Variants in PNPT1 observed in about 807,000 individuals in gnomAD.
PNPT1 encodes the protein polyribonucleotide nucleotidyltransferase 1.
A neutral mutation model predicts 119.5 loss-of-function variants in PNPT1; 53 were observed. That is an observed-to-expected ratio of 0.44 (90% CI 0.36 to 0.56). PNPT1 has a LOEUF of 0.56. Ranked by LOEUF, PNPT1 falls within the 20% of genes least tolerant of loss-of-function variation. The probability of loss-of-function intolerance (pLI) is 0.00; values close to 1 mark genes in which losing one functional copy is unlikely to be tolerated. For missense variants in PNPT1, 948 were observed against 938.5 expected (o/e 1.01, Z -0.13); for synonymous variants, 357 against 322.1 (o/e 1.11, Z -1.16).
chr2:55,650,560 G>A (rs556990995), intron 18 of PNPT1, among the ~76,000 whole-genome samples: 85 of 152,044 alleles, frequency 5.6e-4, no homozygotes, highest in Non-Finnish European at 1.0e-3. Flanking sequence ...CTGCCCGGCC[G>A]CCACCCCGTC....
intron 8 of PNPT1, among the ~76,000 whole-genome samples, chr2:55,676,341 A>G (rs1380406761): frequency 3.3e-5 from 5 of 151,754 alleles, no homozygotes; most frequent in Non-Finnish European, 7.4e-5. Flanking sequence ...GAGTTTTGAG[A>G]TTAGCTGAAG....
intron 15 of PNPT1, among the ~76,000 whole-genome samples, chr2:55,658,022 G>C (rs1368221805): frequency 6.6e-6 from 1 of 151,800 alleles, no homozygotes; most frequent in Non-Finnish European, 1.5e-5. Context: ...CAGACTGCTT[G>C]AGCCCAGGAG....
intron 6 of PNPT1, 23 bp downstream of exon 6, chr2:55,680,832 T>G: frequency 6.2e-7 from 1 of 1,612,850 alleles, no homozygotes; most frequent in Non-Finnish European, 8.5e-7. Context: ...TCTGATAATT[T>G]TAATCTCTAC....
intron 15 of PNPT1, among the ~76,000 whole-genome samples, chr2:55,657,154 C>A (rs1419798141): frequency 6.6e-6 from 1 of 151,874 alleles, no homozygotes; most frequent in Non-Finnish European, 1.5e-5. Context: ...CATGGTGAGA[C>A]CCTGTATCTA....
intron 1 of PNPT1, among the ~76,000 whole-genome samples, chr2:55,691,329 A>T (rs1313214797): frequency 6.6e-6 from 1 of 152,230 alleles, no homozygotes; most frequent in Non-Finnish European, 1.5e-5. Flanking sequence ...ACTATCTGAA[A>T]AACACCTACA....
intron 1 of PNPT1, among the ~76,000 whole-genome samples, chr2:55,688,673 C>T (rs1178065083): frequency 2.6e-5 from 4 of 151,864 alleles, no homozygotes; most frequent in African/African-American, 7.3e-5. Flanking sequence ...TACAGTGAGC[C>T]GAGATTGTGC....
intron 25 of PNPT1, among the ~76,000 whole-genome samples, chr2:55,642,844 C>T (rs900456855): frequency 2.6e-5 from 4 of 152,018 alleles, no homozygotes; most frequent in South Asian, 4.1e-4. Context: ...GGGCTGGGCA[C>T]GGTGGCTCAT....
At chr2:55,670,476 G>A (rs564572011) in intron 11 of PNPT1, among the ~76,000 whole-genome samples, 5 of 151,884 alleles carry the variant, frequency 3.3e-5, no homozygotes, top group South Asian at 2.1e-4. Flanking sequence ...GTGAGCCACC[G>A]CGCCTGGCCA....
At chr2:55,644,608 A>T in intron 23 of PNPT1, 29 bp downstream of exon 23, 2 of 1,539,466 alleles carry the variant, frequency 1.3e-6, no homozygotes, top group Non-Finnish European at 1.8e-6. Context: ...CATTTAATTA[A>T]AAAACCCCAA....
rs372937612 is a variant in PNPT1 at position 55,640,760 on chromosome 2, T to C, written c.2070-55A>G. ...AAAATAATAAGTATCTGTATATCCA[T>C]TGACAAATAAAACATTGTTTTCATA... On this transcript the variant is annotated intron_variant, in intron 25 of 27. Coordinates refer to ENST00000447944, the MANE Select transcript of PNPT1 (RefSeq NM_033109.5). 6.5e-5 allele frequency: 75 copies of C among 1,157,408 alleles called. 1 individual carries two copies. The Middle Eastern group carries it at 1.1e-3, about 18-fold the overall frequency. 71.7% of individuals were successfully genotyped at this position (1,157,408 alleles called of 1,614,324 possible).
chr2:55,673,598 G>A (rs1468969794), intron 8 of PNPT1, among the ~76,000 whole-genome samples: 3 of 151,678 alleles, frequency 2.0e-5, no homozygotes, highest in African/African-American at 4.8e-5. Context: ...ACAGGCGCCC[G>A]CCACCATGCC....
At chr2:55,668,220 A>C (rs1174187288) in intron 11 of PNPT1, among the ~76,000 whole-genome samples, 45 of 152,166 alleles carry the variant, frequency 3.0e-4, no homozygotes, top group Non-Finnish European at 4.4e-5. Context: ...CAGTGCTTTG[A>C]AATCAGTTCC....
intron 18 of PNPT1, among the ~76,000 whole-genome samples, chr2:55,648,772 T>C (rs1381327073): frequency 6.6e-6 from 1 of 152,174 alleles, no homozygotes; most frequent in East Asian, 1.9e-4. Context: ...TTTTATTTCC[T>C]AGTTCGTTGA....
At chr2:55,685,545 GTCT>G (rs1268469017) in intron 3 of PNPT1, among the ~76,000 whole-genome samples, 1 of 151,638 alleles carries the variant, frequency 6.6e-6, no homozygotes, top group East Asian at 1.9e-4. Context: ...AAAAAAAAAA[GTCT>G]TCTACTCAAC....
rs542564002 is a variant in PNPT1 at position 55,693,798 on chromosome 2, G to C, written c.26C>G (p.Ser9Trp). 40 of 1,613,776 alleles carry C rather than the reference G, an allele frequency of 2.5e-5. No homozygotes were observed. In the East Asian group the frequency reaches 8.2e-4, roughly 33 times the overall value. MAACRYCCSCLRLRPLSDG... is the reference protein window; with the variant it reads MAACRYCCWCLRLRPLSDG... Reference sequence around the variant, plus strand: ...GCTCAGGGGCCGGAGCCGGAGGCACGAGCAGCAGTACCTGCAGGCCGCCAT... The same window carrying C: ...GCTCAGGGGCCGGAGCCGGAGGCACCAGCAGCAGTACCTGCAGGCCGCCAT... Residue 9 changes from serine (S) to tryptophan (W), a missense_variant, in exon 1 of 28, where the codon TCG becomes TGG. Physicochemically the swap from Ser to Trp is radical, Grantham distance 177. Coordinates refer to ENST00000447944, the MANE Select transcript of PNPT1 (RefSeq NM_033109.5).
At chr2:55,642,502 G>A (rs1386747471) in intron 25 of PNPT1, among the ~76,000 whole-genome samples, 1 of 151,388 alleles carries the variant, frequency 6.6e-6, no homozygotes, top group Non-Finnish European at 1.5e-5. Context: ...CCAGCTACCG[G>A]GGAGGATGAG....
chr2:55,651,817 T>C (rs1430203266), intron 18 of PNPT1, among the ~76,000 whole-genome samples: 3 of 118,074 alleles, frequency 2.5e-5, no homozygotes, highest in African/African-American at 9.8e-5. Flanking sequence ...TATTTCTGTA[T>C]AAAGCTATCC....
At chr2:55,661,249 C>T (rs957385133) in intron 14 of PNPT1, among the ~76,000 whole-genome samples, 9 of 151,840 alleles carry the variant, frequency 5.9e-5, no homozygotes, top group East Asian at 1.9e-4. Flanking sequence ...CCCACCATCA[C>T]GCCCAGCTAA....
At position 55,638,303 on chromosome 2, in the gene PNPT1, G is replaced by GA. The variant is rs34343270; in HGVS notation, c.2149-705dup. Among the ~76,000 whole-genome samples the GA allele has an allele frequency of 7.3e-3, 1,011 of 139,306 alleles. 15 individuals are homozygous for GA. Among genetic ancestry groups the GA allele is most frequent in the East Asian group, 0.024 (107 of 4,484 alleles). 91.4% of individuals were successfully genotyped at this position (139,306 alleles called of 152,430 possible). ...GGCGACAGAGTCAGACTCTGTCTCAGAAAAAAAAAAAAAAATCAGTTAATT... is the reference window on the plus strand; with the variant it reads ...GGCGACAGAGTCAGACTCTGTCTCAGAAAAAAAAAAAAAAAATCAGTTAATT... On this transcript the variant is annotated intron_variant, in intron 26 of 27. Transcript: ENST00000447944.
Sources: allele counts gnomAD v4.1 joint callset (sites outside exome capture counted in the v4.1 genomes callset), GRCh38; gene constraint gnomAD v4.1.1; transcripts MANE v1.5; gene names NCBI Gene and HGNC (gene_info 2026-07-23, HGNC 2026-07-21).